Variants in JUP observed in about 807,000 individuals in gnomAD.
JUP encodes catenin (cadherin-associated protein), gamma 80kDa.
A neutral mutation model predicts 71.1 loss-of-function variants in JUP; 28 were observed. That is an observed-to-expected ratio of 0.39 (90% CI 0.29 to 0.54). JUP has a LOEUF of 0.54. JUP is among the 20% of genes least tolerant of loss of function. The probability of loss-of-function intolerance (pLI) is 0.62; values close to 1 mark genes in which losing one functional copy is unlikely to be tolerated. For synonymous variants in JUP, 401 were observed against 438.9 expected (o/e 0.91, Z 1.08); for missense variants, 869 against 1,030.1 (o/e 0.84, Z 2.14).
At position 41,776,994 on chromosome 17, in the gene JUP, G is replaced by A. The variant is rs1388114721; in HGVS notation, c.-8-5132C>T. On this transcript the variant is annotated intron_variant, in intron 1 of 13. Transcript: ENST00000393931. ...TGCATTCCAGCCAGGGATACAGTGC[G>A]AGACTCTGTCTCAAAAAAAAAGAAA... Among the ~76,000 whole-genome samples the A allele has an allele frequency of 2.6e-5, 4 of 152,250 alleles. No homozygotes were observed. The East Asian group carries it at 5.8e-4, about 22-fold the overall frequency.
Position 41,755,893 on chromosome 17 carries a change from T to A in JUP, c.2089A>T (p.Met697Leu), listed in dbSNP as rs1126821. The A allele has an allele frequency of 0.71, 1,141,690 of 1,605,478 alleles. 412,210 individuals are homozygous for A. Among genetic ancestry groups the A allele is most frequent in the Non-Finnish European group, 0.75 (875,188 of 1,174,730 alleles). ...IPINEPYGDD[M>L]DATYRPMYSS... ...TACATGGGGCGGTAGGTGGCATCCA[T>A]GTCTGGGGACAAAAAGTGGGGCTCG... Residue 697 changes from methionine to leucine, a missense_variant and splice_region_variant, in exon 14 of 14, where the codon ATG (methionine) becomes TTG (leucine). Physicochemically the swap from Met to Leu is conservative, Grantham distance 15 (BLOSUM62 2). Coordinates refer to ENST00000393931, the MANE Select transcript of JUP (RefSeq NM_002230.4).
Position 41,767,582 on chromosome 17 carries a change from T to TGGG in JUP, c.708-5_708-3dup. 2 of 891,834 alleles carry TGGG rather than the reference T, an allele frequency of 2.2e-6. No individual in the cohort carries two copies. Among genetic ancestry groups the TGGG allele is most frequent in the Non-Finnish European group, 3.5e-6 (2 of 573,726 alleles). 55.2% of individuals were successfully genotyped at this position (891,834 alleles called of 1,614,324 possible). ...AACAGGACCGACTCCACAGGGGAGC[T>TGGG]GGGGGGGTGGGCAGGGGTTAGTACG... On this transcript the variant is annotated splice_region_variant and splice_polypyrimidine_tract_variant and intron_variant, in intron 4 of 13. Transcript: ENST00000393931.
chr17:41,772,110 C>T (rs1454027384), intron 1 of JUP: 1 of 585,008 alleles, frequency 1.7e-6, no homozygotes, highest in Non-Finnish European at 3.1e-6. Flanking sequence ...CCTGGGCTTG[C>T]ATCTCTGACC....
chr17:41,772,198 T>C, intron 1 of JUP: 1 of 414,654 alleles, frequency 2.4e-6, no homozygotes, highest in Non-Finnish European at 4.6e-6. Context: ...CGCACCTTGC[T>C]GCCCTGACCC....
chr17:41,770,922 C>T (rs1018120290), intron 2 of JUP, among the ~76,000 whole-genome samples: 3 of 152,242 alleles, frequency 2.0e-5, no homozygotes, highest in Non-Finnish European at 2.9e-5. Context: ...CTGGGGGCTA[C>T]GGCCCTGGCT....
chr17:41,781,464 G>C (rs540202982), intron 1 of JUP, among the ~76,000 whole-genome samples: 1 of 152,346 alleles, frequency 6.6e-6, no homozygotes, highest in African/African-American at 2.4e-5. Context: ...AGTGGTCCAT[G>C]AGCTTGCCCT....
chr17:41,772,349 G>A, intron 1 of JUP: 1 of 262,684 alleles, frequency 3.8e-6, no homozygotes, highest in East Asian at 9.3e-5. Flanking sequence ...AACTGGGCGG[G>A]GCAGGGAAGC....
chr17:41,757,927 T>C, intron 10 of JUP, 143 bp from the exon 11 acceptor site: 1 of 683,582 alleles, frequency 1.5e-6, no homozygotes, highest in Non-Finnish European at 2.5e-6. Flanking sequence ...TAAGTGTTAC[T>C]GCTTTAAACT....
intron 1 of JUP, among the ~76,000 whole-genome samples, chr17:41,773,976 T>G: frequency 6.6e-6 from 1 of 152,174 alleles, no homozygotes; most frequent in Middle Eastern, 3.2e-3. Context: ...ACAAACACAC[T>G]GCATCCCAGC....
rs1597780211 is a variant in JUP at position 41,757,352 on chromosome 17, G to T, written c.2046+63C>A. The T allele has an allele frequency of 1.6e-5, 25 of 1,581,424 alleles. No homozygotes were observed. In the East Asian group the frequency reaches 5.4e-4, roughly 34 times the overall value. On this transcript the variant is annotated intron_variant, in intron 12 of 13. Coordinates refer to ENST00000393931, the MANE Select transcript of JUP (RefSeq NM_002230.4). ...ACAGTAGTAGGAGACCCCCAAAAGT[G>T]TTGCCCATGGGCAGTGCCCAACTTG...
At chr17:41,781,467 C>T (rs1335751321) in intron 1 of JUP, among the ~76,000 whole-genome samples, 2 of 152,246 alleles carry the variant, frequency 1.3e-5, no homozygotes, top group Non-Finnish European at 2.9e-5. Context: ...GGTCCATGAG[C>T]TTGCCCTTCA....
chr17:41,765,242 C>T (rs1567813136), intron 5 of JUP, among the ~76,000 whole-genome samples, 175 bp from the exon 6 acceptor site: 1 of 152,170 alleles, frequency 6.6e-6, no homozygotes, highest in Non-Finnish European at 1.5e-5. Context: ...CACTATGCTG[C>T]CCAGGCTGGT....
intron 13 of JUP, 69 bp from the exon 14 acceptor site, chr17:41,755,964 C>T (rs1913645199): frequency 6.4e-7 from 1 of 1,550,450 alleles, no homozygotes; most frequent in South Asian, 1.2e-5. Context: ...TCTGCACAGC[C>T]TTCAGCTGCC....
chr17:41,774,536 G>A (rs1318818246), intron 1 of JUP, among the ~76,000 whole-genome samples: 8 of 151,964 alleles, frequency 5.3e-5, no homozygotes, highest in African/African-American at 1.9e-4. Context: ...GTTTCCCCAT[G>A]TTGGCCAGGC....
chr17:41,772,691 C>T (rs1916852510), intron 1 of JUP: 2 of 528,296 alleles, frequency 3.8e-6, no homozygotes, highest in African/African-American at 2.1e-5. Context: ...CACTGCCTCT[C>T]CTCCAGAAGT....
At chr17:41,756,428 C>T (rs1376364125) in intron 12 of JUP, among the ~76,000 whole-genome samples, 1 of 151,876 alleles carries the variant, frequency 6.6e-6, no homozygotes, top group East Asian at 1.9e-4. Flanking sequence ...GAAACCCTGT[C>T]TCTACTAAAA....
intron 9 of JUP, 95 bp downstream of exon 9, chr17:41,758,620 A>T: frequency 6.4e-7 from 1 of 1,571,502 alleles, no homozygotes; most frequent in Non-Finnish European, 8.7e-7. Context: ...TGGAATTGGC[A>T]TCAGTTGCAA....
chr17:41,769,525 G>A lies in JUP; in HGVS notation c.361C>T (p.Gln121Ter), dbSNP rs992627687. ...TNLQRLAEPSQLLKSAIVHLI... is the reference protein window; with the variant it reads ...TNLQRLAEPS ...TGCACAATGGCCGACTTGAGCAGCT[G>A]GGACGGCTCGGCCAGTCGCTGCAGG... The change falls in exon 3 of 14, where the codon CAG (glutamine) becomes TAG (stop). Residue 121 changes from glutamine (Q) to a stop codon, truncating the protein, a stop_gained. Transcript: ENST00000393931. LOFTEE classifies it high-confidence loss of function. 1.9e-6 allele frequency: 3 copies of A among 1,611,622 alleles called. No individual in the cohort carries two copies. Among genetic ancestry groups the A allele is most frequent in the Non-Finnish European group, 2.5e-6 (3 of 1,179,312 alleles).
At chr17:41,770,330 T>A (rs782028487) in intron 2 of JUP, among the ~76,000 whole-genome samples, 1 of 152,096 alleles carries the variant, frequency 6.6e-6, no homozygotes, top group Non-Finnish European at 1.5e-5. Flanking sequence ...CTAGCTTCCA[T>A]CCCCTGGGTG....
Sources: allele counts gnomAD v4.1 joint callset (sites outside exome capture counted in the v4.1 genomes callset), GRCh38; gene constraint gnomAD v4.1.1; transcripts MANE v1.5; gene names NCBI Gene and HGNC (gene_info 2026-07-23, HGNC 2026-07-21).